ADAMTS6: variants seen among roughly 807,000 people sequenced by gnomAD.
ADAMTS6 encodes the protein ADAM metallopeptidase with thrombospondin type 1 motif 6, also known as A disintegrin and metalloproteinase with thrombospondin motifs 6.
Under a neutral mutation model 144.3 loss-of-function variants are expected in ADAMTS6, and 23 were observed. That is an observed-to-expected ratio of 0.16 (90% CI 0.11 to 0.23). The LOEUF is 0.23. Ranked by LOEUF, ADAMTS6 falls within the 10% of genes least tolerant of loss-of-function variation. ADAMTS6 has a pLI of 1.00. For synonymous variants in ADAMTS6, 444 were observed against 457.5 expected, an observed-to-expected ratio of 0.97 and a Z score of 0.38; for missense variants, 999 against 1,379.6, an observed-to-expected ratio of 0.72 and a Z score of 4.37.
Position 65,210,708 on chromosome 5 carries a change from G to A in ADAMTS6, c.2575+4086C>T, listed in dbSNP as rs1377633513. 20 of 648,732 alleles carry A rather than the reference G, an allele frequency of 3.1e-5. No homozygotes were observed. The East Asian group carries it at 5.7e-4, about 19-fold the overall frequency. 40.2% of individuals were successfully genotyped at this position (648,732 alleles called of 1,614,324 possible). A position where few individuals can be genotyped will look rare whatever the true frequency, so the allele number is the denominator to read the frequency against. The stretch of plus-strand genomic sequence containing the variant: ...AATAATTTAATGTGGAAGTACACCA[G>A]AAGCACATCATGGGCCAGAATGTTT... On this transcript the variant is annotated intron_variant, in intron 20 of 24. Coordinates refer to ENST00000381055, the MANE Select transcript of ADAMTS6 (RefSeq NM_197941.4).
intron 10 of ADAMTS6, among the ~76,000 whole-genome samples, chr5:65,294,528 T>C (rs1254702144): frequency 6.6e-6 from 1 of 152,218 alleles, no homozygotes; most frequent in African/African-American, 2.4e-5. Flanking sequence ...AATTCTTAAC[T>C]AAGGGTTAAG....
At chr5:65,337,073 A>G (rs1321051423) in intron 7 of ADAMTS6, among the ~76,000 whole-genome samples, 1 of 152,144 alleles carries the variant, frequency 6.6e-6, no homozygotes, top group Non-Finnish European at 1.5e-5. Context: ...TCCATGAATT[A>G]TATAATATAG....
chr5:65,397,940 TATCTTGCTGTG>T (rs1753496699), intron 7 of ADAMTS6, among the ~76,000 whole-genome samples: 2 of 152,144 alleles, frequency 1.3e-5, no homozygotes, highest in South Asian at 2.1e-4. Flanking sequence ...GCTTTCCAGT[TATCTTGCTGTG>T]ATTGATTTCT....
intron 11 of ADAMTS6, among the ~76,000 whole-genome samples, chr5:65,275,382 A>T (rs960013001): frequency 4.8e-5 from 7 of 146,296 alleles, no homozygotes; most frequent in African/African-American, 1.5e-4. Flanking sequence ...AAAGAAAGAA[A>T]GAAAGAAAGA....
intron 14 of ADAMTS6, among the ~76,000 whole-genome samples, chr5:65,255,588 A>G (rs1357767242): frequency 6.6e-6 from 1 of 152,140 alleles, no homozygotes; most frequent in African/African-American, 2.4e-5. Flanking sequence ...ACAACACTGG[A>G]ACAGTTTATC....
chr5:65,186,638 A>C (rs1754687981), intron 22 of ADAMTS6, among the ~76,000 whole-genome samples: 1 of 152,212 alleles, frequency 6.6e-6, no homozygotes, highest in Admixed American at 6.5e-5. Context: ...TTTATCTTTC[A>C]AATCAATTAG....
chr5:65,379,903 G>A (rs1268156367), intron 7 of ADAMTS6, among the ~76,000 whole-genome samples: 2 of 151,766 alleles, frequency 1.3e-5, no homozygotes, highest in East Asian at 1.9e-4. Context: ...TTAACTTAAG[G>A]TTAAATCAAG....
At chr5:65,246,626 C>T (rs2112517962) in intron 14 of ADAMTS6, among the ~76,000 whole-genome samples, 1 of 152,244 alleles carries the variant, frequency 6.6e-6, no homozygotes, top group East Asian at 1.9e-4. Flanking sequence ...GATTTATGTA[C>T]ATATCTGTGA....
At chr5:65,188,743 A>G (rs983083998) in intron 21 of ADAMTS6, among the ~76,000 whole-genome samples, 2 of 152,314 alleles carry the variant, frequency 1.3e-5, no homozygotes, top group African/African-American at 4.8e-5. Context: ...GGGTCCTATG[A>G]ACCAATACTA....
At chr5:65,450,522 T>A (rs1267704260) in intron 7 of ADAMTS6, among the ~76,000 whole-genome samples, 1 of 152,146 alleles carries the variant, frequency 6.6e-6, no homozygotes, top group African/African-American at 2.4e-5. Flanking sequence ...CCAAAGACTA[T>A]TTCACCTAGC....
intron 7 of ADAMTS6, among the ~76,000 whole-genome samples, chr5:65,441,866 A>T (rs1214297566): frequency 6.6e-6 from 1 of 151,958 alleles, no homozygotes; most frequent in Non-Finnish European, 1.5e-5. Context: ...CTAAAGGAAC[A>T]TTAGAAAGTA....
At chr5:65,449,983 T>C (rs1267961492) in intron 7 of ADAMTS6, among the ~76,000 whole-genome samples, 1 of 152,218 alleles carries the variant, frequency 6.6e-6, no homozygotes, top group African/African-American at 2.4e-5. Flanking sequence ...CAAATATAAA[T>C]ACAAAAGCCA....
chr5:65,375,670 A>T (rs1242515401), intron 7 of ADAMTS6, among the ~76,000 whole-genome samples: 8 of 152,236 alleles, frequency 5.3e-5, no homozygotes, highest in African/African-American at 1.9e-4. Flanking sequence ...GTGGGACTGT[A>T]AACTAGTTCA....
At chr5:65,302,321 A>G (rs1455149185) in intron 9 of ADAMTS6, among the ~76,000 whole-genome samples, 1 of 145,228 alleles carries the variant, frequency 6.9e-6, no homozygotes, top group Non-Finnish European at 1.5e-5. Flanking sequence ...ATATACATAT[A>G]CATGTATATA....
At chr5:65,348,559 G>A (rs932418670) in intron 7 of ADAMTS6, among the ~76,000 whole-genome samples, 1 of 152,078 alleles carries the variant, frequency 6.6e-6, no homozygotes, top group Non-Finnish European at 1.5e-5. Context: ...CACTTAGGAG[G>A]AATAAGTTTT....
intron 2 of ADAMTS6, among the ~76,000 whole-genome samples, chr5:65,472,769 T>G (rs1395620873): frequency 1.3e-5 from 2 of 152,318 alleles, no homozygotes; most frequent in East Asian, 3.9e-4. Context: ...TCACTTCTTA[T>G]AAATAATTAG....
At chr5:65,215,242 C>G in intron 19 of ADAMTS6, 82 bp downstream of exon 19, 4 of 1,430,654 alleles carry the variant, frequency 2.8e-6, no homozygotes, top group Non-Finnish European at 3.8e-6. Flanking sequence ...ACCTGTAAAG[C>G]AGAGATAATA....
At chr5:65,445,440 C>T (rs562303911) in intron 7 of ADAMTS6, among the ~76,000 whole-genome samples, 2 of 152,186 alleles carry the variant, frequency 1.3e-5, no homozygotes, top group African/African-American at 4.8e-5. Context: ...CGGGTTCAAG[C>T]GATTCTCCTA....
intron 14 of ADAMTS6, among the ~76,000 whole-genome samples, chr5:65,243,511 C>T (rs934101563): frequency 1.3e-5 from 2 of 152,032 alleles, no homozygotes. Flanking sequence ...ATGTTTTTAG[C>T]ACATTAAAAT....
Sources: allele counts gnomAD v4.1 joint callset (sites outside exome capture counted in the v4.1 genomes callset), GRCh38; gene constraint gnomAD v4.1.1; transcripts MANE v1.5; gene names NCBI Gene and HGNC (gene_info 2026-07-23, HGNC 2026-07-21).